PRKD1: variants seen among roughly 807,000 people sequenced by gnomAD.
The protein encoded by PRKD1 is protein kinase D1, also known as serine/threonine-protein kinase D1.
PRKD1 carries 63 observed loss-of-function variants against 95.9 expected under a neutral mutation model. The ratio of observed to expected loss-of-function variants is 0.66; its 90% CI spans 0.54 to 0.81. PRKD1 has a LOEUF of 0.81. Ranked by LOEUF, PRKD1 falls within the 30% of genes least tolerant of loss-of-function variation. The pLI is 0.00. For missense variants in PRKD1, 1,048 were observed against 1,165.3 expected (o/e 0.90, Z 1.47); for synonymous variants, 425 against 423.1 (o/e 1.00, Z -0.05).
At chr14:29,687,384 A>G (rs1294701556) in intron 2 of PRKD1, among the ~76,000 whole-genome samples, 7 of 152,182 alleles carry the variant, frequency 4.6e-5, no homozygotes, top group Non-Finnish European at 1.0e-4. Flanking sequence ...AGAAGAGAAA[A>G]GGGGAAAATA....
Position 29,841,246 on chromosome 14 carries a change from G to A in PRKD1, c.264+86003C>T, listed in dbSNP as rs1324648363. On this transcript the variant is annotated intron_variant, in intron 1 of 17. Coordinates refer to ENST00000331968, the MANE Select transcript of PRKD1 (RefSeq NM_002742.3). ...TGTCTCAGATGAGACTTTGGACTGTGGACTTTTGAGTTAATGCTGAAATGA... is the reference window on the plus strand; with the variant it reads ...TGTCTCAGATGAGACTTTGGACTGTAGACTTTTGAGTTAATGCTGAAATGA... 2.6e-5 allele frequency among the ~76,000 whole-genome samples: 4 copies of A among 152,162 alleles called. 1 individual carries two copies. The highest frequency in any genetic ancestry group is 1.3e-4 in the Admixed American group (2 of 15,280).
chr14:29,870,263 T>C (rs950802526), intron 1 of PRKD1, among the ~76,000 whole-genome samples: 2 of 152,182 alleles, frequency 1.3e-5, no homozygotes, highest in Non-Finnish European at 2.9e-5. Flanking sequence ...CAGTTGCATC[T>C]TGTTTTGAGT....
chr14:29,826,782 C>CATATATATACACATATATATATACAT (rs1358133940), intron 1 of PRKD1, among the ~76,000 whole-genome samples: 1 of 25,250 alleles, frequency 4.0e-5, no homozygotes, highest in African/African-American at 1.7e-4. Context: ...CATATATATA[C>CATATATATACACATATATATATACAT]ATATATACAC....
intron 1 of PRKD1, among the ~76,000 whole-genome samples, chr14:29,790,772 C>T (rs1220068451): frequency 6.6e-6 from 1 of 152,132 alleles, no homozygotes; most frequent in Non-Finnish European, 1.5e-5. Flanking sequence ...CAGTAGTAAG[C>T]TTTAACTATA....
intron 1 of PRKD1, among the ~76,000 whole-genome samples, chr14:29,725,875 A>T (rs1886116473): frequency 6.6e-6 from 1 of 152,184 alleles, no homozygotes. Flanking sequence ...AATCACATAG[A>T]TCACAGGGGC....
chr14:29,624,060 C>G, intron 13 of PRKD1, 92 bp downstream of exon 13: 1 of 869,972 alleles, frequency 1.1e-6, no homozygotes, highest in Non-Finnish European at 1.8e-6. Flanking sequence ...AATATTTATG[C>G]CACAGGTTTT....
At chr14:29,867,938 T>A (rs527575796) in intron 1 of PRKD1, among the ~76,000 whole-genome samples, 1 of 152,316 alleles carries the variant, frequency 6.6e-6, no homozygotes, top group African/African-American at 2.4e-5. Flanking sequence ...AGACCCTGAA[T>A]ATTTGAACCA....
At chr14:29,625,624 A>G (rs951733906) in intron 12 of PRKD1, among the ~76,000 whole-genome samples, 1 of 152,202 alleles carries the variant, frequency 6.6e-6, no homozygotes, top group Non-Finnish European at 1.5e-5. Context: ...CGCATTAACA[A>G]ACGGTACAAT....
chr14:29,852,725 T>C (rs1339705295), intron 1 of PRKD1, among the ~76,000 whole-genome samples: 2 of 152,066 alleles, frequency 1.3e-5, no homozygotes, highest in African/African-American at 2.4e-5. Context: ...AAATTAGATT[T>C]TGAAAAGAAA....
intron 16 of PRKD1, among the ~76,000 whole-genome samples, chr14:29,584,026 T>C (rs1309586949): frequency 6.6e-6 from 1 of 152,096 alleles, no homozygotes; most frequent in African/African-American, 2.4e-5. Context: ...CAGCAGCTAT[T>C]AGGATAGCCG....
chr14:29,887,509 A>T (rs952582766), intron 1 of PRKD1, among the ~76,000 whole-genome samples: 1 of 152,222 alleles, frequency 6.6e-6, no homozygotes, highest in African/African-American at 2.4e-5. Flanking sequence ...CTATAGAAGA[A>T]ACAGCACTGG....
intron 1 of PRKD1, among the ~76,000 whole-genome samples, chr14:29,791,727 CAT>C (rs1252979922): frequency 6.6e-6 from 1 of 152,044 alleles, no homozygotes; most frequent in African/African-American, 2.4e-5. Flanking sequence ...TGTTGATGCA[CAT>C]GTCAGTTATT....
intron 2 of PRKD1, among the ~76,000 whole-genome samples, chr14:29,676,192 T>TTTTTTTTTTTTTGGG (rs1566532348): frequency 7.8e-6 from 1 of 128,528 alleles, no homozygotes; most frequent in Non-Finnish European, 1.6e-5. Context: ...TGTTTTTTTT[T>TTTTTTTTTTTTTGGG]TTTTTTTTTT....
chr14:29,588,514 A>G (rs545183556), intron 16 of PRKD1, among the ~76,000 whole-genome samples: 2 of 152,318 alleles, frequency 1.3e-5, no homozygotes, highest in East Asian at 3.9e-4. Flanking sequence ...ATATTATGAT[A>G]GCCATTCTAT....
intron 13 of PRKD1, among the ~76,000 whole-genome samples, chr14:29,616,551 C>T (rs1210506476): frequency 6.6e-6 from 1 of 151,940 alleles, no homozygotes. Flanking sequence ...TCAAGTGATC[C>T]TCCTGCCTCA....
intron 2 of PRKD1, among the ~76,000 whole-genome samples, chr14:29,684,454 C>G (rs888925831): frequency 6.6e-6 from 1 of 152,154 alleles, no homozygotes; most frequent in Admixed American, 6.5e-5. Flanking sequence ...CTTTTCTGAA[C>G]TAAATAGCTA....
chr14:29,876,719 AC>A (rs202232934), intron 1 of PRKD1, among the ~76,000 whole-genome samples: 111 of 149,804 alleles, frequency 7.4e-4, no homozygotes, highest in African/African-American at 2.6e-3. Flanking sequence ...AAACAAACAA[AC>A]AAAAAAAAAC....
At position 29,927,456 on chromosome 14, in the gene PRKD1, TGCCGCCGCCACGGGCAGCA is replaced by T; in HGVS notation, c.38_56del (p.Leu13GlnfsTer39). 3 of 1,301,888 alleles carry T rather than the reference TGCCGCCGCCACGGGCAGCA, an allele frequency of 2.3e-6. No individual in the cohort carries two copies. Among genetic ancestry groups the T allele is most frequent in the Non-Finnish European group, 2.9e-6 (3 of 1,029,596 alleles). The allele number at this position is 1,301,888 out of a possible 1,614,324, so 80.6% of individuals were successfully genotyped here. ...CCAGTGCGGCGGCCGCTGCGGCAGCTGCCGCCGCCACGGGCAGCAGCGGACTGGGCGGCCGCAGGACCGG... is the reference window on the plus strand; with the variant it reads ...CCAGTGCGGCGGCCGCTGCGGCAGCTGCGGACTGGGCGGCCGCAGGACCGG... On this transcript the variant is annotated frameshift_variant, in exon 1 of 18. Transcript: ENST00000331968. LOFTEE classifies it high-confidence loss of function.
At chr14:29,824,913 C>T (rs1891050539) in intron 1 of PRKD1, among the ~76,000 whole-genome samples, 1 of 152,048 alleles carries the variant, frequency 6.6e-6, no homozygotes, top group Admixed American at 6.6e-5. Flanking sequence ...TATTCTTTCA[C>T]TCAACTGGAC....
Sources: gnomAD v4.1 joint callset for allele counts (sites outside exome capture counted in the v4.1 genomes callset) on GRCh38, gnomAD v4.1.1 for gene constraint, MANE v1.5 for transcripts, NCBI Gene and HGNC (gene_info 2026-07-23, HGNC 2026-07-21) for gene names.